The following SLC25A23 variants were observed in gnomAD, a reference collection of about 807,000 sequenced individuals.
SLC25A23 encodes the protein mitochondrial adenyl nucleotide antiporter SLC25A23.
Under a neutral mutation model 53.9 loss-of-function variants are expected in SLC25A23, and 32 were observed. The observed-to-expected ratio is 0.59, with a 90% CI of 0.45 to 0.80. SLC25A23 has a LOEUF of 0.80. Ranked by LOEUF, SLC25A23 falls within the 30% of genes least tolerant of loss-of-function variation. The pLI is 0.00. For synonymous variants in SLC25A23, 275 were observed against 264.5 expected, an observed-to-expected ratio of 1.04 and a Z score of -0.38; for missense variants, 575 against 651.4, an observed-to-expected ratio of 0.88 and a Z score of 1.28.
intron 2 of SLC25A23, 78 bp downstream of exon 2, chr19:6,458,120 A>G: frequency 6.5e-7 from 1 of 1,540,070 alleles, no homozygotes; most frequent in Non-Finnish European, 8.8e-7. Flanking sequence ...TAGCGCTGCC[A>G]GTTCTAACCC....
chr19:6,442,303 G>A (rs1345703634), intron 9 of SLC25A23, 144 bp from the exon 10 acceptor site: 12 of 613,308 alleles, frequency 2.0e-5, no homozygotes, highest in Admixed American at 6.2e-5. Context: ...ACTCAGAGTC[G>A]AGACTTGTAT....
At position 6,441,762 on chromosome 19, in the gene SLC25A23, C is replaced by T. The variant is rs552692061; in HGVS notation, c.*213G>A. 4.3e-5 allele frequency: 25 copies of T among 576,170 alleles called. No homozygotes were observed. The highest frequency in any genetic ancestry group is 4.7e-4 in the Middle Eastern group (1 of 2,136). 35.7% of individuals were successfully genotyped at this position (576,170 alleles called of 1,614,324 possible). Reference sequence around the variant, plus strand: ...GATCTAGTGGCTGAAGGGTGGGGATCGCATGACCCAGTGGTTGGGGCATAG... The same window carrying T: ...GATCTAGTGGCTGAAGGGTGGGGATTGCATGACCCAGTGGTTGGGGCATAG... On this transcript the variant is annotated 3_prime_UTR_variant, in exon 10 of 10. Transcript: ENST00000301454.
rs2092721378 is a variant in SLC25A23, at chr19:6,459,008, G to C, written c.156+465C>G. Among the ~76,000 whole-genome samples, 2 of 152,218 alleles carry C rather than the reference G, an allele frequency of 1.3e-5. No homozygotes were observed. The highest frequency in any genetic ancestry group is 1.5e-5 in the Non-Finnish European group (1 of 68,028). On this transcript the variant is annotated intron_variant, in intron 1 of 9. Coordinates refer to ENST00000301454, the MANE Select transcript of SLC25A23 (RefSeq NM_024103.3). This position sits in a 1 kb window ranked among gnomAD's most constrained non-coding sequence, Gnocchi z 4.6. ...TGGGTCCCTGGCTGGGGCAGCCCGG[G>C]ACAGTGAGCCAGGCCCGTGAACGGC...
At chr19:6,445,179 G>A (rs946904934) in intron 8 of SLC25A23, among the ~76,000 whole-genome samples, 13 of 151,540 alleles carry the variant, frequency 8.6e-5, no homozygotes, top group Non-Finnish European at 1.3e-4. Flanking sequence ...GTGCAATCTC[G>A]GCTGACTGCA....
At chr19:6,453,939 C>G (rs1250151844) in intron 7 of SLC25A23, 42 bp downstream of exon 7, 1 of 1,507,842 alleles carries the variant, frequency 6.6e-7, no homozygotes, top group Admixed American at 1.8e-5. Flanking sequence ...AGCAGGCCCC[C>G]CACCCTGCCA....
chr19:6,448,590 C>T (rs1288138615), intron 8 of SLC25A23, among the ~76,000 whole-genome samples: 17 of 151,866 alleles, frequency 1.1e-4, no homozygotes, highest in Admixed American at 1.1e-3. Context: ...CCTGTCTCAG[C>T]CTCCCGAGTA....
intron 8 of SLC25A23, among the ~76,000 whole-genome samples, chr19:6,449,255 CT>C (rs57753988): frequency 0.13 from 17,501 of 137,920 alleles, 2,214 homozygotes; most frequent in African/African-American, 0.34. Flanking sequence ...TTCTTTCTTT[CT>C]TTTTTTTTTT....
intron 8 of SLC25A23, among the ~76,000 whole-genome samples, chr19:6,448,533 C>T (rs945705068): frequency 5.3e-5 from 8 of 151,024 alleles, no homozygotes; most frequent in Admixed American, 3.3e-4. Flanking sequence ...GGCAGTGGCG[C>T]GATCTTGGCT....
Position 6,440,913 on chromosome 19 carries a change from G to T in SLC25A23, c.*1062C>A, listed in dbSNP as rs992471673. 6 of 152,312 alleles carry T rather than the reference G, an allele frequency of 3.9e-5. No individual in the cohort carries two copies. The highest frequency in any genetic ancestry group is 5.9e-5 in the Non-Finnish European group (4 of 68,132). The allele number at this position is 152,312 out of a possible 1,614,324, so 9.4% of individuals were successfully genotyped here. On this transcript the variant is annotated 3_prime_UTR_variant, in exon 10 of 10. Coordinates refer to ENST00000301454, the MANE Select transcript of SLC25A23 (RefSeq NM_024103.3). ...TCAGATCAGAAACCGGGGATTCAGGGCTTGGGATTCAGTGCCTTGGAATAT... is the reference window on the plus strand; with the variant it reads ...TCAGATCAGAAACCGGGGATTCAGGTCTTGGGATTCAGTGCCTTGGAATAT...
At chr19:6,445,826 A>ACTCCTC (rs755178336) in intron 8 of SLC25A23, among the ~76,000 whole-genome samples, 8 of 152,008 alleles carry the variant, frequency 5.3e-5, no homozygotes, top group Non-Finnish European at 1.2e-4. Flanking sequence ...CCGAGGCAAG[A>ACTCCTC]GGATCGTTTG....
rs138824668 is a variant in SLC25A23 at position 6,457,503 on chromosome 19, C to T, written c.371G>A (p.Ser124Asn). 1.1e-4 allele frequency: 175 copies of T among 1,613,792 alleles called. 2 individuals are homozygous for T. Among genetic ancestry groups the T allele is most frequent in the Non-Finnish European group, 1.2e-5 (14 of 1,179,914 alleles). The stretch of plus-strand genomic sequence containing the variant: ...GGATTCCAGACCCCCAGCGACTCAC[C>T]TGTGCAAAATTTTCTCAGCCTGCTC... Reference protein sequence around the residue: ...SLEQAEKILHSMDRDGTMTID... With the variant: ...SLEQAEKILHNMDRDGTMTID... Residue 124 changes from serine to asparagine, a missense_variant and splice_region_variant, in exon 3 of 10, where the codon AGC becomes AAC. Coordinates refer to ENST00000301454, the MANE Select transcript of SLC25A23 (RefSeq NM_024103.3).
At chr19:6,436,129 AC>A, downstream of SLC25A23, 1 of 213,944 alleles carries the variant, frequency 4.7e-6, no homozygotes, top group Non-Finnish European at 9.9e-6. Context: ...GTGACGAATT[AC>A]CCCCCCGCCA....
At chr19:6,447,197 T>C (rs944033936) in intron 8 of SLC25A23, among the ~76,000 whole-genome samples, 1 of 152,206 alleles carries the variant, frequency 6.6e-6, no homozygotes, top group African/African-American at 2.4e-5. Context: ...AACATACTCA[T>C]ACTGTGTGCA....
At chr19:6,443,186 A>T (rs544226943) in intron 9 of SLC25A23, among the ~76,000 whole-genome samples, 84 of 151,346 alleles carry the variant, frequency 5.6e-4, no homozygotes, top group Non-Finnish European at 9.6e-4. Flanking sequence ...TGATCCACCC[A>T]CCTAGGCCTC....
Position 6,456,442 on chromosome 19 carries a change from A to G in SLC25A23, c.461T>C (p.Leu154Pro). 6.2e-7 allele frequency: 1 copy of G among 1,614,084 alleles called. No individual in the cohort carries two copies. Among genetic ancestry groups the G allele is most frequent in the Non-Finnish European group, 8.5e-7 (1 of 1,180,030 alleles). The change falls in exon 4 of 10, where the codon CTG becomes CCG. Residue 154 changes from leucine to proline, a missense_variant. By Grantham distance (98) the Leu-to-Pro change is moderately conservative. Coordinates refer to ENST00000301454, the MANE Select transcript of SLC25A23 (RefSeq NM_024103.3). ...CACCGTGGAATGCTTCCAGAAATAC[A>G]GCACGTCCTCCACATTTTCCAGCGA... ...LHSLENVEDV[L>P]YFWKHSTVLD...
In SLC25A23 at chr19:6,459,773, C is replaced by T. The variant is rs1359259379; in HGVS notation, c.-145G>A. ...CTCCGCGCAGTCCGCTCGGCTCTGG[C>T]ACTTGCGGGAGGTGGTGACGGCTAG... On this transcript the variant is annotated 5_prime_UTR_variant, in exon 1 of 10. Coordinates refer to ENST00000301454, the MANE Select transcript of SLC25A23 (RefSeq NM_024103.3). This position sits in a 1 kb window ranked among gnomAD's most constrained non-coding sequence, Gnocchi z 4.6. 4 of 635,620 alleles carry T rather than the reference C, an allele frequency of 6.3e-6. No individual in the cohort carries two copies. Among genetic ancestry groups the T allele is most frequent in the African/African-American group, 3.9e-5 (2 of 51,806 alleles). 39.4% of individuals were successfully genotyped at this position (635,620 alleles called of 1,614,324 possible).
At chr19:6,438,044 C>CA (rs376540931), downstream of SLC25A23, 16,240 of 79,426 alleles carry the variant, frequency 0.2, 1,141 homozygotes, top group East Asian at 0.28. Flanking sequence ...CACTGCACTC[C>CA]AAAAAAAAAA....
intron 8 of SLC25A23, among the ~76,000 whole-genome samples, chr19:6,452,002 G>A (rs867226351): frequency 2.6e-5 from 4 of 151,930 alleles, no homozygotes; most frequent in African/African-American, 9.7e-5. Context: ...GGTATTACAA[G>A]CACACATCAC....
chr19:6,447,896 C>T (rs1330041681), intron 8 of SLC25A23, among the ~76,000 whole-genome samples: 1 of 152,156 alleles, frequency 6.6e-6, no homozygotes, highest in East Asian at 1.9e-4. Context: ...GTCTCCAACT[C>T]CTGACCTCAA....
Sources: allele counts gnomAD v4.1 joint callset (sites outside exome capture counted in the v4.1 genomes callset), GRCh38; gene constraint gnomAD v4.1.1; non-coding constraint Gnocchi (gnomAD v3.1); transcripts MANE v1.5; gene names NCBI Gene and HGNC (gene_info 2026-07-23, HGNC 2026-07-21).